DAPP1: variants seen among roughly 807,000 people sequenced by gnomAD.
The protein encoded by DAPP1 is dual adaptor of phosphotyrosine and 3-phosphoinositides 1.
A neutral mutation model predicts 41.5 loss-of-function variants in DAPP1; 20 were observed. That is an observed-to-expected ratio of 0.48 (90% CI 0.34 to 0.70). The LOEUF (loss-of-function observed/expected upper bound fraction) is 0.70. Ranked by LOEUF, DAPP1 falls within the 30% of genes least tolerant of loss-of-function variation. The pLI, the probability that DAPP1 is intolerant of heterozygous loss-of-function variation, is 0.01. For missense variants in DAPP1, 233 were observed against 333.4 expected (o/e 0.70, Z 2.35); for synonymous variants, 113 against 116.2 (o/e 0.97, Z 0.18).
chr4:99,842,904 T>G (rs1214227101), intron 3 of DAPP1, among the ~76,000 whole-genome samples: 1 of 147,588 alleles, frequency 6.8e-6, no homozygotes, highest in Non-Finnish European at 1.5e-5. Flanking sequence ...CAGGCTGGAG[T>G]GCAGTGGCGC....
chr4:99,840,242 G>A lies in DAPP1; in HGVS notation c.225-47G>A, dbSNP rs773506907. ...CTGAGATCATATTTCCCTTCAACAAGATATTTATTTGTTAAATAATATTAA... is the reference window on the plus strand; with the variant it reads ...CTGAGATCATATTTCCCTTCAACAAAATATTTATTTGTTAAATAATATTAA... On this transcript the variant is annotated intron_variant, in intron 2 of 8. Transcript: ENST00000512369. The A allele has an allele frequency of 6.4e-5, 83 of 1,303,816 alleles. No individual in the cohort carries two copies. The South Asian group carries it at 1.1e-3, about 18-fold the overall frequency. 80.8% of individuals were successfully genotyped at this position (1,303,816 alleles called of 1,614,324 possible). A position where few individuals can be genotyped will look rare whatever the true frequency, so the allele number is the denominator to read the frequency against.
intron 3 of DAPP1, among the ~76,000 whole-genome samples, chr4:99,845,402 C>T (rs1723634560): frequency 6.6e-6 from 1 of 152,204 alleles, no homozygotes; most frequent in Admixed American, 6.5e-5. Context: ...GGTCCTGAAG[C>T]ATAGATGCTT....
chr4:99,866,319 G>T lies in DAPP1; in HGVS notation c.774+198G>T, dbSNP rs527455981. On this transcript the variant is annotated intron_variant, in intron 8 of 8. Transcript: ENST00000512369. ...TGGAGACAGGATTGTAAAAAAGAAAGAATTAAGCCATATTTGGGTCTTAGA... is the reference window on the plus strand; with the variant it reads ...TGGAGACAGGATTGTAAAAAAGAAATAATTAAGCCATATTTGGGTCTTAGA... 7.9e-5 allele frequency among the ~76,000 whole-genome samples: 12 copies of T among 152,104 alleles called. No homozygotes were observed. In the East Asian group the frequency reaches 2.3e-3, roughly 29 times the overall value.
intron 3 of DAPP1, chr4:99,844,025 C>T (rs912796582): frequency 5.9e-5 from 9 of 152,212 alleles, no homozygotes; most frequent in Non-Finnish European, 8.8e-5. Flanking sequence ...TGATTAAATT[C>T]AGAATTTGCC....
chr4:99,864,285 A>G (rs1006718267), intron 7 of DAPP1: 2 of 154,048 alleles, frequency 1.3e-5, no homozygotes, highest in Non-Finnish European at 2.9e-5. Context: ...AGTCTTGAGA[A>G]AGGAATGTCT....
intron 3 of DAPP1, among the ~76,000 whole-genome samples, chr4:99,849,457 G>C (rs1372104389): frequency 6.6e-6 from 1 of 152,166 alleles, no homozygotes; most frequent in Non-Finnish European, 1.5e-5. Flanking sequence ...AGATAAATTT[G>C]ACTGATAGGT....
At chr4:99,829,626 G>A (rs1277277092) in intron 1 of DAPP1, among the ~76,000 whole-genome samples, 3 of 152,146 alleles carry the variant, frequency 2.0e-5, no homozygotes, top group Non-Finnish European at 4.4e-5. Flanking sequence ...GGAACGACCA[G>A]AGACAAATGC....
intron 7 of DAPP1, among the ~76,000 whole-genome samples, chr4:99,864,714 T>C (rs1010902066): frequency 2.6e-5 from 4 of 152,192 alleles, no homozygotes; most frequent in Admixed American, 6.5e-5. Context: ...TCTCTACTGT[T>C]CTCCTGGCCT....
downstream of DAPP1, among the ~76,000 whole-genome samples, chr4:99,872,043 GAA>G (rs964930978): frequency 6.6e-6 from 1 of 150,588 alleles, no homozygotes; most frequent in South Asian, 2.1e-4. Context: ...CAAGAACAAA[GAA>G]AAAAAAATGG....
intron 3 of DAPP1, among the ~76,000 whole-genome samples, chr4:99,850,831 A>G (rs1723829353): frequency 7.1e-6 from 1 of 140,676 alleles, no homozygotes; most frequent in East Asian, 2.0e-4. Flanking sequence ...CTGTCAAAGA[A>G]TAATAATATC....
intron 3 of DAPP1, among the ~76,000 whole-genome samples, chr4:99,848,750 A>G (rs1227595637): frequency 1.3e-5 from 2 of 152,184 alleles, no homozygotes; most frequent in African/African-American, 2.4e-5. Flanking sequence ...GCAGGAAACA[A>G]TAGTCTACTT....
At chr4:99,841,344 T>C (rs1255510617) in intron 3 of DAPP1, among the ~76,000 whole-genome samples, 1 of 152,242 alleles carries the variant, frequency 6.6e-6, no homozygotes, top group Non-Finnish European at 1.5e-5. Context: ...CTGATGTGAC[T>C]CACACAGTGT....
intron 1 of DAPP1, among the ~76,000 whole-genome samples, chr4:99,823,467 A>G (rs963009887): frequency 6.6e-6 from 1 of 152,166 alleles, no homozygotes; most frequent in East Asian, 1.9e-4. Flanking sequence ...TTTTCTGTAC[A>G]CACACACAAA....
At chr4:99,853,166 G>T in intron 3 of DAPP1, 52 bp from the exon 4 acceptor site, 1 of 1,600,178 alleles carries the variant, frequency 6.2e-7, no homozygotes, top group Non-Finnish European at 8.5e-7. Flanking sequence ...TTAGCATTTG[G>T]ACCTTCCTTC....
downstream of DAPP1, among the ~76,000 whole-genome samples, chr4:99,872,185 C>A (rs770322457): frequency 1.1e-4 from 17 of 152,226 alleles, no homozygotes; most frequent in Non-Finnish European, 1.9e-4. Flanking sequence ...AGAAGTTAGA[C>A]CAGCAGGTCC....
rs532666433 is a variant in DAPP1 at position 99,846,388 on chromosome 4, C to T, written c.358+5966C>T. On this transcript the variant is annotated intron_variant, in intron 3 of 8. Coordinates refer to ENST00000512369, the MANE Select transcript of DAPP1 (RefSeq NM_014395.3). ...TCTCCTCAGGTAAGTTAAATAATCT[C>T]TCTGAGCTTCAGTTTCATCATCTTA... Among the ~76,000 whole-genome samples the T allele has an allele frequency of 2.7e-4, 41 of 152,290 alleles. 1 individual carries two copies. The highest frequency in any genetic ancestry group is 2.6e-3 in the Admixed American group (40 of 15,290).
intron 2 of DAPP1, 120 bp from the exon 3 acceptor site, chr4:99,840,169 A>C (rs889265841): frequency 5.0e-6 from 3 of 599,298 alleles, no homozygotes; most frequent in Non-Finnish European, 5.2e-6. Context: ...GGTTTCAATG[A>C]TTGCCTAATT....
chr4:99,851,104 G>A (rs1723841293), intron 3 of DAPP1, among the ~76,000 whole-genome samples: 1 of 152,170 alleles, frequency 6.6e-6, no homozygotes, highest in South Asian at 2.1e-4. Context: ...TCTACAATGT[G>A]AGCACTGTGT....
At chr4:99,824,138 A>G (rs17029525) in intron 1 of DAPP1, among the ~76,000 whole-genome samples, 3,222 of 152,328 alleles carry the variant, frequency 0.021, 53 homozygotes, top group Middle Eastern at 0.051. Context: ...TGCAGATGTC[A>G]GTCCTGAGGT....
Sources: gnomAD v4.1 joint callset for allele counts (sites outside exome capture counted in the v4.1 genomes callset) on GRCh38, gnomAD v4.1.1 for gene constraint, MANE v1.5 for transcripts, NCBI Gene and HGNC (gene_info 2026-07-23, HGNC 2026-07-21) for gene names.